Variants in PPP1R12A observed in about 807,000 individuals in gnomAD.
The protein encoded by PPP1R12A is myosin binding subunit.
PPP1R12A carries 19 observed loss-of-function variants against 139.6 expected under a neutral mutation model. That is an observed-to-expected ratio of 0.14 (90% CI 0.09 to 0.20). The LOEUF (loss-of-function observed/expected upper bound fraction) is 0.20. Among genes scored for constraint, PPP1R12A ranks in the 10% least tolerant of loss-of-function variants. The probability of loss-of-function intolerance (pLI) is 1.00; values close to 1 mark genes in which losing one functional copy is unlikely to be tolerated. For synonymous variants in PPP1R12A, 427 were observed against 420.6 expected, an observed-to-expected ratio of 1.02 and a Z score of -0.19; for missense variants, 925 against 1,211.5, an observed-to-expected ratio of 0.76 and a Z score of 3.51.
At chr12:79,788,594 T>C in intron 21 of PPP1R12A, 54 bp downstream of exon 21, 1 of 1,441,130 alleles carries the variant, frequency 6.9e-7, no homozygotes, top group Non-Finnish European at 9.4e-7. Flanking sequence ...TTTGAATGAG[T>C]ATCTCAACAT....
intron 3 of PPP1R12A, among the ~76,000 whole-genome samples, chr12:79,843,560 C>T (rs896112324): frequency 5.3e-5 from 8 of 150,846 alleles, no homozygotes; most frequent in Non-Finnish European, 8.8e-5. Context: ...ACCCAGATTG[C>T]GCCACTGCAC....
At chr12:79,857,861 G>A (rs986034071) in intron 2 of PPP1R12A, among the ~76,000 whole-genome samples, 1 of 152,076 alleles carries the variant, frequency 6.6e-6, no homozygotes, top group Non-Finnish European at 1.5e-5. Context: ...TACGTCTCAA[G>A]AATGAGAGTT....
At chr12:79,901,739 A>G (rs1201462846) in intron 1 of PPP1R12A, among the ~76,000 whole-genome samples, 1 of 152,194 alleles carries the variant, frequency 6.6e-6, no homozygotes, top group Non-Finnish European at 1.5e-5. Context: ...GCACTAGGAT[A>G]ATGCTTGGGT....
Position 79,845,421 on chromosome 12 carries a change from C to A in PPP1R12A, c.369-1G>T. On this transcript the variant is annotated splice_acceptor_variant, in intron 2 of 24. Coordinates refer to ENST00000450142, the MANE Select transcript of PPP1R12A (RefSeq NM_002480.3). LOFTEE classifies it high-confidence loss of function. ...ATGTGCTCCTTGACCAATCAAAAAC[C>A]TGTAAAACCAAAGGAAAAATAGTTA... 6.3e-7 allele frequency: 1 copy of A among 1,594,574 alleles called. No individual in the cohort carries two copies. Among genetic ancestry groups the A allele is most frequent in the Non-Finnish European group, 8.6e-7 (1 of 1,166,430 alleles).
intron 2 of PPP1R12A, among the ~76,000 whole-genome samples, chr12:79,869,623 T>A (rs1173579776): frequency 6.6e-6 from 1 of 152,172 alleles, no homozygotes; most frequent in Non-Finnish European, 1.5e-5. Flanking sequence ...CACACTGATG[T>A]AAACCAGTAG....
At chr12:79,933,120 T>C (rs1454350167) in intron 1 of PPP1R12A, among the ~76,000 whole-genome samples, 1 of 152,190 alleles carries the variant, frequency 6.6e-6, no homozygotes, top group East Asian at 1.9e-4. Context: ...TTAAATAAAC[T>C]TCACCCAAAT....
chr12:79,848,241 T>G (rs1276568580), intron 2 of PPP1R12A, among the ~76,000 whole-genome samples: 1 of 152,176 alleles, frequency 6.6e-6, no homozygotes, highest in Non-Finnish European at 1.5e-5. Context: ...AAAGAATATT[T>G]CCTCATATAC....
chr12:79,817,160 A>G (rs1431499709), intron 9 of PPP1R12A, among the ~76,000 whole-genome samples: 1 of 152,208 alleles, frequency 6.6e-6, no homozygotes, highest in Non-Finnish European at 1.5e-5. Context: ...ACTGTATGTA[A>G]TATTTGTTAA....
intron 3 of PPP1R12A, among the ~76,000 whole-genome samples, chr12:79,835,895 A>G (rs1018236095): frequency 6.6e-6 from 1 of 152,088 alleles, no homozygotes; most frequent in African/African-American, 2.4e-5. Context: ...TTGTATTTTT[A>G]TTTTGCCTGC....
At chr12:79,847,791 T>C (rs1879579175) in intron 2 of PPP1R12A, among the ~76,000 whole-genome samples, 4 of 152,176 alleles carry the variant, frequency 2.6e-5, no homozygotes, top group Admixed American at 2.6e-4. Context: ...CTGATGATTA[T>C]GTAGGTGCTA....
chr12:79,818,865 C>T (rs550954006), intron 8 of PPP1R12A: 1 of 152,200 alleles, frequency 6.6e-6, no homozygotes, highest in African/African-American at 2.4e-5. Flanking sequence ...AATAACCTTA[C>T]AAAAAGTAGA....
intron 4 of PPP1R12A, among the ~76,000 whole-genome samples, chr12:79,831,271 T>G (rs978458403): frequency 1.3e-5 from 2 of 152,036 alleles, no homozygotes; most frequent in African/African-American, 4.8e-5. Context: ...GCCTAAATTA[T>G]TGAAGTTGAA....
intron 1 of PPP1R12A, among the ~76,000 whole-genome samples, chr12:79,904,170 A>T (rs921980799): frequency 6.6e-6 from 1 of 151,728 alleles, no homozygotes; most frequent in Admixed American, 6.6e-5. Context: ...AGCTGAGATC[A>T]TACCACTGCA....
chr12:79,805,595 C>T lies in PPP1R12A; in HGVS notation c.1997G>A (p.Arg666His), dbSNP rs771356750. The change falls in exon 14 of 25, where the codon CGC (arginine) becomes CAC (histidine). Residue 666 changes from arginine (R) to histidine (H), a missense_variant. Coordinates refer to ENST00000450142, the MANE Select transcript of PPP1R12A (RefSeq NM_002480.3). The stretch of plus-strand genomic sequence containing the variant: ...TACTGTTATGACCTTTACACACCTG[C>T]GTCTCTCCCTGACCTCTGTTGTGGA... ...VSSTTEVRER[R>H]RSYLTPVRDE... is the part of the protein sequence containing the mutation. The T allele has an allele frequency of 1.9e-6, 3 of 1,613,432 alleles. No homozygotes were observed. Among genetic ancestry groups the T allele is most frequent in the East Asian group, 2.2e-5 (1 of 44,838 alleles).
chr12:79,815,025 T>C (rs1027898559), intron 9 of PPP1R12A, among the ~76,000 whole-genome samples: 1 of 152,086 alleles, frequency 6.6e-6, no homozygotes, highest in Non-Finnish European at 1.5e-5. Flanking sequence ...AAGAGTGATT[T>C]TGAATAAGAA....
intron 14 of PPP1R12A, among the ~76,000 whole-genome samples, chr12:79,799,918 AG>A (rs1177216908): frequency 1.3e-5 from 2 of 152,040 alleles, no homozygotes; most frequent in African/African-American, 2.4e-5. Flanking sequence ...CTGAGATGAG[AG>A]GATCACCTGA....
chr12:79,810,619 A>G (rs984753913), intron 9 of PPP1R12A, among the ~76,000 whole-genome samples: 4 of 152,356 alleles, frequency 2.6e-5, no homozygotes, highest in Non-Finnish European at 5.9e-5. Context: ...AAATAATTTT[A>G]TAATTAACCC....
intron 11 of PPP1R12A, 66 bp downstream of exon 11, chr12:79,808,417 T>TTG: frequency 9.2e-7 from 1 of 1,084,402 alleles, no homozygotes; most frequent in Non-Finnish European, 1.4e-6. Context: ...TGCTCATGTA[T>TTG]TAACTCTAAT....
intron 2 of PPP1R12A, among the ~76,000 whole-genome samples, chr12:79,854,350 A>G (rs1387036483): frequency 6.6e-6 from 1 of 152,240 alleles, no homozygotes; most frequent in Non-Finnish European, 1.5e-5. Context: ...TATGTGCATT[A>G]TAAATATATC....
Sources: gnomAD v4.1 joint callset for allele counts (sites outside exome capture counted in the v4.1 genomes callset) on GRCh38, gnomAD v4.1.1 for gene constraint, MANE v1.5 for transcripts, NCBI Gene and HGNC (gene_info 2026-07-23, HGNC 2026-07-21) for gene names.